MRTFB: variants seen among roughly 807,000 people sequenced by gnomAD.
The protein encoded by MRTFB is myocardin related transcription factor B.
MRTFB carries 29 observed loss-of-function variants against 104.2 expected under a neutral mutation model. The ratio of observed to expected loss-of-function variants is 0.28; its 90% confidence interval spans 0.21 to 0.38. MRTFB has a LOEUF of 0.38. Ranked by LOEUF, MRTFB falls within the 10% of genes least tolerant of loss-of-function variation. MRTFB has a pLI of 1.00. For missense variants in MRTFB, 1,270 were observed against 1,341.6 expected (o/e 0.95, Z 0.83); for synonymous variants, 535 against 519.5 (o/e 1.03, Z -0.41).
chr16:14,147,601 G>A (rs1007719361), intron 3 of MRTFB, among the ~76,000 whole-genome samples: 1 of 152,170 alleles, frequency 6.6e-6, no homozygotes, highest in East Asian at 1.9e-4. Flanking sequence ...TTGGAGCGAG[G>A]GAGGGGGCTG....
intron 15 of MRTFB, among the ~76,000 whole-genome samples, chr16:14,253,178 G>A (rs1429330663): frequency 6.6e-6 from 1 of 152,300 alleles, no homozygotes; most frequent in African/African-American, 2.4e-5. Context: ...CATGGTGGGT[G>A]CCCAGTCATG....
At chr16:14,091,142 G>A (rs1347092570) in intron 2 of MRTFB, among the ~76,000 whole-genome samples, 3 of 152,118 alleles carry the variant, frequency 2.0e-5, no homozygotes, top group African/African-American at 7.2e-5. Flanking sequence ...CTAGAGACAG[G>A]CAACCCATTA....
intron 10 of MRTFB, among the ~76,000 whole-genome samples, chr16:14,241,796 A>G (rs969414601): frequency 6.6e-6 from 1 of 152,098 alleles, no homozygotes; most frequent in Admixed American, 6.5e-5. Flanking sequence ...GTATCCAGTT[A>G]CTATTTTAAG....
At chr16:14,045,160 T>C in the MRTFB span, among the ~76,000 whole-genome samples, 2 of 152,152 alleles carry the variant, frequency 1.3e-5, no homozygotes, top group Non-Finnish European at 2.9e-5. Context: ...GATCCCTCCG[T>C]AGGCTACCTG....
chr16:14,129,686 A>G (rs951998322), intron 2 of MRTFB, among the ~76,000 whole-genome samples: 3 of 152,152 alleles, frequency 2.0e-5, no homozygotes, highest in African/African-American at 7.2e-5. Flanking sequence ...ATTTCTCCAC[A>G]TCTTTGCCAA....
intron 12 of MRTFB, 32 bp from the exon 13 acceptor site, chr16:14,248,894 T>TA: frequency 6.2e-7 from 1 of 1,607,328 alleles, no homozygotes; most frequent in South Asian, 1.1e-5. Context: ...TTCTGACAAT[T>TA]AAATTGATGT....
the MRTFB span, among the ~76,000 whole-genome samples, chr16:14,025,895 A>T: frequency 2.0e-5 from 3 of 152,368 alleles, no homozygotes; most frequent in South Asian, 2.1e-4. Flanking sequence ...AGGGAAAAAA[A>T]CCCTTAGGAT....
Position 14,259,391 on chromosome 16 carries a change from G to A in MRTFB, c.2764+1230G>A, listed in dbSNP as rs1156495603. Among the ~76,000 whole-genome samples the A allele has an allele frequency of 2.6e-5, 4 of 152,138 alleles. No individual in the cohort carries two copies. In the East Asian group the frequency reaches 5.8e-4, roughly 22 times the overall value. ...AAATGAGATTTTTTTTAATGACAAA[G>A]TATCCAGTAAGTATATTATTTCATC... is the stretch of plus-strand genomic sequence containing the variant. On this transcript the variant is annotated intron_variant, in intron 16 of 16. Coordinates refer to ENST00000571589, the MANE Select transcript of MRTFB (RefSeq NM_001308142.2).
chr16:14,217,029 T>A, intron 6 of MRTFB, 97 bp from the exon 7 acceptor site: 2 of 1,262,874 alleles, frequency 1.6e-6, no homozygotes, highest in Non-Finnish European at 2.1e-6. Context: ...CAAAAATGTG[T>A]CTAAATCAGT....
rs956454336 is a variant in MRTFB, at chr16:14,217,066, A to G, written c.353-60A>G. Reference sequence around the variant, plus strand: ...TAAATTCAGTTTGTTGGCCTGAAATAACATTATGGAATAGAAATAGTAATT... The same window carrying G: ...TAAATTCAGTTTGTTGGCCTGAAATGACATTATGGAATAGAAATAGTAATT... On this transcript the variant is annotated intron_variant, in intron 6 of 16. Coordinates refer to ENST00000571589, the MANE Select transcript of MRTFB (RefSeq NM_001308142.2). The G allele has an allele frequency of 2.0e-6, 3 of 1,488,766 alleles. No homozygotes were observed. In the African/African-American group the frequency reaches 4.2e-5, roughly 21 times the overall value. 92.2% of individuals were successfully genotyped at this position (1,488,766 alleles called of 1,614,324 possible).
intron 3 of MRTFB, among the ~76,000 whole-genome samples, chr16:14,155,299 A>C (rs2038787834): frequency 6.6e-6 from 1 of 151,734 alleles, no homozygotes; most frequent in Non-Finnish European, 1.5e-5. Context: ...TTTTACCTTT[A>C]GAAGTTTTAT....
the MRTFB span, among the ~76,000 whole-genome samples, chr16:14,012,523 C>A: frequency 6.6e-6 from 1 of 151,986 alleles, no homozygotes; most frequent in South Asian, 2.1e-4. Context: ...TGGTCTCGAT[C>A]TCCTGACCTC....
rs781189719 is a variant in MRTFB at position 14,246,673 on chromosome 16, C to T, written c.1413C>T (p.His471=). 1.7e-5 allele frequency: 27 copies of T among 1,614,080 alleles called. 2 individuals are homozygous for T. The South Asian group carries it at 2.6e-4, about 16-fold the overall frequency. Residue 471 remains histidine (H), a synonymous_variant, in exon 12 of 17, where the codon CAC becomes CAT. Transcript: ENST00000571589. ...VTVALPVTTL[H]NTVTSSVSTL... is the part of the protein sequence containing the mutation. ...TGGCCTTGCCGGTTACAACACTACA[C>T]AACACTGTGACTAGCTCAGTCTCTA...
intron 2 of MRTFB, among the ~76,000 whole-genome samples, chr16:14,102,156 TA>T (rs1031744137): frequency 1.3e-3 from 194 of 145,836 alleles, no homozygotes; most frequent in Admixed American, 2.5e-3. Context: ...TGAGTCTTTT[TA>T]AAAAAAAAAA....
At chr16:14,208,528 T>G (rs577890548) in intron 3 of MRTFB, among the ~76,000 whole-genome samples, 1 of 152,348 alleles carries the variant, frequency 6.6e-6, no homozygotes, top group East Asian at 1.9e-4. Context: ...CCAACAGACA[T>G]GGACCACCAT....
the MRTFB span, among the ~76,000 whole-genome samples, chr16:13,997,018 C>T: frequency 2.6e-5 from 4 of 152,152 alleles, no homozygotes; most frequent in Non-Finnish European, 5.9e-5. Flanking sequence ...CAGTGGACAG[C>T]GTGACAGATA....
In MRTFB at chr16:14,218,875, C is replaced by G. The variant is rs750206940; in HGVS notation, c.570C>G (p.Asp190Glu). 6.2e-7 allele frequency: 1 copy of G among 1,613,974 alleles called. No homozygotes were observed. Among genetic ancestry groups the G allele is most frequent in the Non-Finnish European group, 8.5e-7 (1 of 1,179,972 alleles). The change falls in exon 8 of 17, where the codon GAC becomes GAG. Residue 190 changes from aspartate (D) to glutamate (E), a missense_variant. By Grantham distance (45) the Asp-to-Glu change is conservative. Around this residue, in one of 3 missense-constraint regions of MRTFB, gnomAD observed 1,144 missense variants for 1,131.5 expected, o/e 1.01. Transcript: ENST00000571589. The stretch of plus-strand genomic sequence containing the variant: ...AGGGCGATTTCTCATTTGATGAAGA[C>G]AGCAGTGACGCTTTGTCTCCGGACC... ...HTQGDFSFDEDSSDALSPDQP... is the reference protein window; with the variant it reads ...HTQGDFSFDEESSDALSPDQP...
intron 3 of MRTFB, among the ~76,000 whole-genome samples, chr16:14,194,426 C>T (rs1248618244): frequency 1.3e-5 from 2 of 152,230 alleles, no homozygotes; most frequent in African/African-American, 4.8e-5. Flanking sequence ...GGGTCCCAAC[C>T]TCGTGACCTC....
chr16:14,119,665 T>G (rs1160152671), intron 2 of MRTFB, among the ~76,000 whole-genome samples: 2 of 152,182 alleles, frequency 1.3e-5, no homozygotes, highest in South Asian at 2.1e-4. Flanking sequence ...AATTTTTTGC[T>G]TATAGGAGAA....
Sources: gnomAD v4.1 joint callset for allele counts (sites outside exome capture counted in the v4.1 genomes callset) on GRCh38, gnomAD v4.1.1 for gene constraint, gnomAD v4.1.1 regional missense constraint, MANE v1.5 for transcripts, NCBI Gene and HGNC (gene_info 2026-07-23, HGNC 2026-07-21) for gene names.